The following OR3A2 variants were observed in gnomAD, a reference collection of about 807,000 sequenced individuals.
OR3A2 encodes the protein olfactory receptor family 3 subfamily A member 2.
For synonymous variants in OR3A2, 126 were observed against 159.3 expected, an observed-to-expected ratio of 0.79 and a Z score of 1.57; for missense variants, 318 against 392.8, an observed-to-expected ratio of 0.81 and a Z score of 1.61.
chr17:3,351,979 T>A (rs952717174), intron 2 of OR3A2, among the ~76,000 whole-genome samples: 1 of 152,138 alleles, frequency 6.6e-6, no homozygotes, highest in Non-Finnish European at 1.5e-5. Context: ...TGGCTAGCCA[T>A]ATGTAGAAAG....
intron 3 of OR3A2, among the ~76,000 whole-genome samples, chr17:3,294,881 G>A (rs1190713089): frequency 6.6e-6 from 1 of 152,018 alleles, no homozygotes; most frequent in Non-Finnish European, 1.5e-5. Flanking sequence ...AAGTTAAGTT[G>A]GCAATCTGAG....
intron 3 of OR3A2, among the ~76,000 whole-genome samples, chr17:3,308,718 T>C (rs2150629615): frequency 6.6e-6 from 1 of 152,220 alleles, no homozygotes; most frequent in East Asian, 1.9e-4. Context: ...TACTATTAGA[T>C]GGTAATTGAC....
intron 2 of OR3A2, among the ~76,000 whole-genome samples, chr17:3,366,859 T>C (rs1382828981): frequency 2.0e-5 from 3 of 152,182 alleles, no homozygotes; most frequent in Non-Finnish European, 4.4e-5. Context: ...GCATACAGTG[T>C]TTGTGCTTTC....
intron 2 of OR3A2, among the ~76,000 whole-genome samples, chr17:3,364,716 T>C (rs2049548407): frequency 6.6e-6 from 1 of 152,198 alleles, no homozygotes; most frequent in Non-Finnish European, 1.5e-5. Flanking sequence ...AGAATTACCA[T>C]ATGATCCAGC....
At chr17:3,298,213 A>G (rs1567546465) in intron 3 of OR3A2, 2 of 152,174 alleles carry the variant, frequency 1.3e-5, no homozygotes, top group Non-Finnish European at 2.9e-5. Context: ...TAGGATGAAC[A>G]CTGGTCTATG....
chr17:3,339,093 C>T (rs1242017599), intron 2 of OR3A2, among the ~76,000 whole-genome samples: 1 of 152,076 alleles, frequency 6.6e-6, no homozygotes, highest in Non-Finnish European at 1.5e-5. Flanking sequence ...TATAAGAATG[C>T]TTATGATTTT....
At position 3,278,050 on chromosome 17, in the gene OR3A2, G is replaced by A. The variant is rs1341575857; in HGVS notation, c.868C>T (p.Pro290Ser). The A allele has an allele frequency of 1.2e-6, 2 of 1,613,130 alleles. No homozygotes were observed. The highest frequency in any genetic ancestry group is 1.7e-5 in the Admixed American group (1 of 59,992). Residue 290 changes from proline to serine, a missense_variant, in exon 2 of 2, where the codon CCT (proline) becomes TCT (serine). Coordinates refer to ENST00000642052, the Ensembl canonical transcript of OR3A2. The stretch of plus-strand genomic sequence containing the variant: ...GGGTTTCTGAGGCTGTAGATAAGAG[G>A]GTTCAGCATAGGGTTGATAACAGTG...
At chr17:3,340,461 C>T (rs35479379) in intron 2 of OR3A2, among the ~76,000 whole-genome samples, 55,466 of 151,958 alleles carry the variant, frequency 0.37, 10,846 homozygotes, top group South Asian at 0.5. Context: ...GATTCTGGTA[C>T]GTTGTGTCTT....
rs994021444 is a variant in OR3A2 at position 3,278,405 on chromosome 17, G to A, written c.513C>T (p.Phe171=). The change falls in exon 2 of 2, where the codon TTC becomes TTT. Residue 171 remains phenylalanine (F), a synonymous_variant. Transcript: ENST00000642052. ...AGTGATTGACCTCATTGGGGCCACA[G>A]AAGTTGAGCGTGGACATGGCCACAG... 1.9e-6 allele frequency: 3 copies of A among 1,614,100 alleles called. No individual in the cohort carries two copies. The African/African-American group carries it at 4.0e-5, about 22-fold the overall frequency.
intron 2 of OR3A2, among the ~76,000 whole-genome samples, chr17:3,379,300 C>A (rs1331071146): frequency 6.6e-6 from 1 of 152,168 alleles, no homozygotes; most frequent in East Asian, 1.9e-4. Flanking sequence ...GAGGGCTACT[C>A]TGCCGAGGCC....
chr17:3,348,789 G>A (rs988330468), intron 2 of OR3A2, among the ~76,000 whole-genome samples: 29 of 152,170 alleles, frequency 1.9e-4, no homozygotes, highest in African/African-American at 5.5e-4. Context: ...GAGAAAGGTC[G>A]GGTTACCCAC....
chr17:3,303,729 G>A (rs1346393098), intron 3 of OR3A2, among the ~76,000 whole-genome samples: 1 of 103,866 alleles, frequency 9.6e-6, no homozygotes, highest in African/African-American at 3.4e-5. Flanking sequence ...TGGCGAATGA[G>A]CAAGACTTCA....
At position 3,314,537 on chromosome 17, in the gene OR3A2, G is replaced by A. The variant is rs139475751; in HGVS notation, c.-85+21496C>T. Among the ~76,000 whole-genome samples, 253 of 152,272 alleles carry A rather than the reference G, an allele frequency of 1.7e-3. 1 individual carries two copies. The Middle Eastern group carries it at 0.017, about 10-fold the overall frequency. Reference sequence around the variant, plus strand: ...GGCTGAAAATCCTGGAGGAAAACCCGTAAGCTGCACACGGTGATTCCCTCT... The same window carrying A: ...GGCTGAAAATCCTGGAGGAAAACCCATAAGCTGCACACGGTGATTCCCTCT... On this transcript the variant is annotated intron_variant, in intron 3 of 4. Transcript: ENST00000573491.
chr17:3,317,195 T>G (rs1026024192), intron 3 of OR3A2, among the ~76,000 whole-genome samples: 1 of 151,148 alleles, frequency 6.6e-6, no homozygotes, highest in Non-Finnish European at 1.5e-5. Flanking sequence ...GTGGTAACAG[T>G]GAGCCAGGAA....
chr17:3,384,210 C>A (rs550785409), intron 1 of OR3A2, among the ~76,000 whole-genome samples: 1 of 152,078 alleles, frequency 6.6e-6, no homozygotes, highest in East Asian at 1.9e-4. Context: ...AACCTTGGAG[C>A]AATGGGAGAA....
chr17:3,278,333 G>A (rs761133902), exon 2 of OR3A2: 1 of 1,614,220 alleles, frequency 6.2e-7, no homozygotes, highest in South Asian at 1.1e-5. Flanking sequence ...CATTGAGTTG[G>A]GTGCTGGAGC....
intron 3 of OR3A2, among the ~76,000 whole-genome samples, chr17:3,307,784 A>AT (rs2049009372): frequency 6.6e-6 from 1 of 152,178 alleles, no homozygotes; most frequent in Non-Finnish European, 1.5e-5. Context: ...GATGGCAAGA[A>AT]CACTGATCCA....
chr17:3,383,817 C>T (rs1185539293), exon 2 of OR3A2: 1 of 152,130 alleles, frequency 6.6e-6, no homozygotes, highest in Admixed American at 6.5e-5. Context: ...AGGAAGTTGA[C>T]AGCAGTTTGC....
rs752046313 is a variant in OR3A2 at position 3,278,057 on chromosome 17, C to T, written c.861G>A (p.Met287Ile). 5.6e-6 allele frequency: 9 copies of T among 1,613,994 alleles called. No homozygotes were observed. The South Asian group carries it at 7.7e-5, about 14-fold the overall frequency. ...TGAGGCTGTAGATAAGAGGGTTCAG[C>T]ATAGGGTTGATAACAGTGTTGAAAA... Residue 287 changes from methionine (M) to isoleucine (I), a missense_variant, in exon 2 of 2, where the codon ATG becomes ATA. Physicochemically the swap from Met to Ile is conservative, Grantham distance 10. Transcript: ENST00000642052.
Sources: gnomAD v4.1 joint callset for allele counts (sites outside exome capture counted in the v4.1 genomes callset) on GRCh38, gnomAD v4.1.1 for gene constraint, MANE v1.5 for transcripts, NCBI Gene and HGNC (gene_info 2026-07-23, HGNC 2026-07-21) for gene names.